Variants in TMEFF2 observed in about 807,000 individuals in gnomAD.
TMEFF2 encodes transmembrane protein with EGF like and two follistatin like domains 2.
In TMEFF2, 28 loss-of-function variants were observed where a neutral mutation model predicts 53.8. The ratio of observed to expected loss-of-function variants is 0.52; its 90% confidence interval spans 0.39 to 0.71. The LOEUF (loss-of-function observed/expected upper bound fraction) is 0.71, where lower values mean the gene tolerates loss of function less well. Ranked by LOEUF, TMEFF2 falls within the 30% of genes least tolerant of loss-of-function variation. The pLI is 0.00. For synonymous variants in TMEFF2, 162 were observed against 166.3 expected, an observed-to-expected ratio of 0.97 and a Z score of 0.20; for missense variants, 353 against 455.2, an observed-to-expected ratio of 0.78 and a Z score of 2.04.
intron 4 of TMEFF2, among the ~76,000 whole-genome samples, chr2:192,068,895 C>T (rs747022689): frequency 6.7e-6 from 1 of 150,172 alleles, no homozygotes; most frequent in African/African-American, 2.4e-5. Flanking sequence ...TTTATAAAAT[C>T]GGTAGTTGTA....
intron 7 of TMEFF2, among the ~76,000 whole-genome samples, chr2:191,981,291 T>C (rs1440317190): frequency 6.6e-6 from 1 of 151,624 alleles, no homozygotes; most frequent in Non-Finnish European, 1.5e-5. Flanking sequence ...TCCCACTCAC[T>C]GAAGCCTCTT....
At chr2:192,169,909 C>T (rs1457918321) in intron 4 of TMEFF2, among the ~76,000 whole-genome samples, 1 of 152,056 alleles carries the variant, frequency 6.6e-6, no homozygotes, top group African/African-American at 2.4e-5. Flanking sequence ...GCCTGAACTT[C>T]AAAGGCAGTG....
chr2:192,057,403 C>CT (rs879924481), intron 5 of TMEFF2, among the ~76,000 whole-genome samples: 60 of 151,988 alleles, frequency 3.9e-4, no homozygotes, highest in African/African-American at 1.2e-3. Context: ...GTAAATAAGA[C>CT]TTTTTTTTCC....
At chr2:192,136,262 A>G (rs1226880346) in intron 4 of TMEFF2, among the ~76,000 whole-genome samples, 1 of 152,226 alleles carries the variant, frequency 6.6e-6, no homozygotes, top group African/African-American at 2.4e-5. Context: ...AAAAGGTTAA[A>G]TACAAGTCAT....
intron 4 of TMEFF2, among the ~76,000 whole-genome samples, chr2:192,100,313 T>G (rs191865637): frequency 1.8e-4 from 27 of 152,302 alleles, no homozygotes; most frequent in African/African-American, 5.5e-4. Context: ...CAGAAAGCCT[T>G]GCCTCATGCC....
intron 5 of TMEFF2, among the ~76,000 whole-genome samples, chr2:192,039,456 A>T (rs1371723555): frequency 6.6e-6 from 1 of 152,218 alleles, no homozygotes; most frequent in Non-Finnish European, 1.5e-5. Context: ...AATTACAATT[A>T]AAGCAAGGAT....
chr2:192,183,712 T>C (rs1208158274), intron 3 of TMEFF2, among the ~76,000 whole-genome samples: 4 of 152,074 alleles, frequency 2.6e-5, no homozygotes, highest in Non-Finnish European at 4.4e-5. Context: ...AAGGAAAATT[T>C]GAAAAGCTAC....
intron 5 of TMEFF2, chr2:192,044,572 G>A (rs1429804974): frequency 2.0e-5 from 3 of 152,270 alleles, no homozygotes; most frequent in Admixed American, 1.3e-4. Flanking sequence ...AGAACAAGAA[G>A]AGACTCTGCA....
At position 192,126,841 on chromosome 2, in the gene TMEFF2, AAAAC is replaced by A. The variant is rs150067959; in HGVS notation, c.439+52823_439+52826del. Among the ~76,000 whole-genome samples the A allele has an allele frequency of 7.3e-3, 1,104 of 151,894 alleles. 4 individuals are homozygous for A. The highest frequency in any genetic ancestry group is 7.7e-3 in the African/African-American group (320 of 41,312). On this transcript the variant is annotated intron_variant, in intron 4 of 9. Coordinates refer to ENST00000272771, the MANE Select transcript of TMEFF2 (RefSeq NM_016192.4). ...TGCCTTCTAACTACAAAAACAAAAC[AAAAC>A]AAACAAACAAACAAACAAAAGCTTG...
chr2:191,957,627 G>A (rs1051257203), intron 7 of TMEFF2, among the ~76,000 whole-genome samples: 27 of 152,264 alleles, frequency 1.8e-4, no homozygotes, highest in African/African-American at 5.1e-4. Context: ...GATGCCATCT[G>A]CAAAACAAAG....
intron 7 of TMEFF2, among the ~76,000 whole-genome samples, chr2:191,989,087 T>C (rs1250496313): frequency 6.6e-6 from 1 of 152,144 alleles, no homozygotes; most frequent in African/African-American, 2.4e-5. Context: ...TGAAAAAACA[T>C]TTGCAGGTTT....
At chr2:192,064,018 T>G (rs764626356) in intron 4 of TMEFF2, among the ~76,000 whole-genome samples, 1 of 151,846 alleles carries the variant, frequency 6.6e-6, no homozygotes, top group Non-Finnish European at 1.5e-5. Flanking sequence ...GCGTGTTTAG[T>G]CCTTTTACTT....
At chr2:191,982,349 CA>C (rs1685873203) in intron 7 of TMEFF2, among the ~76,000 whole-genome samples, 1 of 151,990 alleles carries the variant, frequency 6.6e-6, no homozygotes, top group African/African-American at 2.4e-5. Context: ...ATACCTAATA[CA>C]GGTCTTCCTC....
At chr2:192,091,369 A>C (rs1688786453) in intron 4 of TMEFF2, among the ~76,000 whole-genome samples, 1 of 152,128 alleles carries the variant, frequency 6.6e-6, no homozygotes, top group Admixed American at 6.6e-5. Context: ...GTTATGCTCA[A>C]TACCCTCCTC....
chr2:192,112,068 G>A (rs1214451891), intron 4 of TMEFF2, among the ~76,000 whole-genome samples: 1 of 152,230 alleles, frequency 6.6e-6, no homozygotes, highest in Non-Finnish European at 1.5e-5. Flanking sequence ...CAGCGCAGAA[G>A]AAAAATGTGG....
At chr2:192,054,746 G>A (rs1687860406) in intron 5 of TMEFF2, among the ~76,000 whole-genome samples, 1 of 152,126 alleles carries the variant, frequency 6.6e-6, no homozygotes. Context: ...ATCTTTGGTT[G>A]AATTGTTATG....
chr2:192,120,139 A>G (rs1559134856), intron 4 of TMEFF2, among the ~76,000 whole-genome samples: 1 of 152,212 alleles, frequency 6.6e-6, no homozygotes, highest in Admixed American at 6.5e-5. Flanking sequence ...TTCTACCACC[A>G]TAAGACAAAC....
chr2:192,066,319 T>TA (rs969825035), intron 4 of TMEFF2, among the ~76,000 whole-genome samples: 10 of 151,908 alleles, frequency 6.6e-5, no homozygotes, highest in African/African-American at 1.2e-4. Flanking sequence ...TCTTTTTGAT[T>TA]AAAAAATCTA....
intron 7 of TMEFF2, among the ~76,000 whole-genome samples, chr2:191,997,270 AAAATGTTTAAAATAT>A (rs1353958858): frequency 1.3e-5 from 2 of 151,964 alleles, no homozygotes; most frequent in African/African-American, 2.4e-5. Flanking sequence ...TAAAATGTGG[AAAATGTTTAAAATAT>A]AAATGTTTAA....
Sources: allele counts gnomAD v4.1 joint callset (sites outside exome capture counted in the v4.1 genomes callset), GRCh38; gene constraint gnomAD v4.1.1; transcripts MANE v1.5; gene names NCBI Gene and HGNC (gene_info 2026-07-23, HGNC 2026-07-21).